The following NBEA variants were observed in gnomAD, a reference collection of about 807,000 sequenced individuals.
NBEA encodes the protein neurobeachin.
A neutral mutation model predicts 343.4 loss-of-function variants in NBEA; 44 were observed. The observed-to-expected ratio is 0.13, with a 90% CI of 0.10 to 0.16. NBEA has a LOEUF of 0.16. Among genes scored for constraint, NBEA ranks in the 10% least tolerant of loss-of-function variants. The probability of loss-of-function intolerance (pLI) is 1.00; values close to 1 mark genes in which losing one functional copy is unlikely to be tolerated. For synonymous variants in NBEA, 1,175 were observed against 1,238.7 expected (o/e 0.95, Z 1.08); for missense variants, 2,555 against 3,631.3 (o/e 0.70, Z 7.62).
intron 1 of NBEA, among the ~76,000 whole-genome samples, chr13:34,996,929 A>C (rs1292105374): frequency 6.6e-6 from 1 of 152,146 alleles, no homozygotes; most frequent in Non-Finnish European, 1.5e-5. Context: ...GACATTTGTT[A>C]AATCTATTAT....
intron 2 of NBEA, among the ~76,000 whole-genome samples, 165 bp from the exon 3 acceptor site, chr13:35,044,782 G>A (rs1390831820): frequency 6.6e-6 from 1 of 151,270 alleles, no homozygotes; most frequent in Non-Finnish European, 1.5e-5. Context: ...AATTGGAATG[G>A]CTATTCATGA....
chr13:35,332,674 G>A (rs2152849634), intron 36 of NBEA, among the ~76,000 whole-genome samples: 1 of 152,248 alleles, frequency 6.6e-6, no homozygotes, highest in South Asian at 2.1e-4. Flanking sequence ...GTATTAGAAG[G>A]ATGGAAGATT....
chr13:35,308,492 A>ATGTATATATATG (rs2037093745), intron 35 of NBEA, among the ~76,000 whole-genome samples: 1 of 123,240 alleles, frequency 8.1e-6, no homozygotes, highest in Non-Finnish European at 1.6e-5. Context: ...ATATGTGTAT[A>ATGTATATATATG]TATATGTGTA....
intron 10 of NBEA, among the ~76,000 whole-genome samples, chr13:35,093,328 A>T (rs953512445): frequency 6.6e-6 from 1 of 151,318 alleles, no homozygotes; most frequent in Admixed American, 6.6e-5. Context: ...AAAAAAAAAA[A>T]AGAGAAATTT....
chr13:35,001,350 A>G (rs2061132570), intron 1 of NBEA, among the ~76,000 whole-genome samples: 2 of 152,140 alleles, frequency 1.3e-5, no homozygotes, highest in Non-Finnish European at 1.5e-5. Flanking sequence ...AAATCAACAT[A>G]TGAAAGAGAT....
At chr13:35,051,065 G>C (rs2063049765) in intron 6 of NBEA, among the ~76,000 whole-genome samples, 3 of 151,960 alleles carry the variant, frequency 2.0e-5, no homozygotes, top group Admixed American at 2.0e-4. Context: ...GCATTTTCTA[G>C]AGGGATTTTC....
chr13:35,285,867 T>C (rs922293437), intron 34 of NBEA, among the ~76,000 whole-genome samples: 1 of 152,160 alleles, frequency 6.6e-6, no homozygotes, highest in Non-Finnish European at 1.5e-5. Context: ...CTCTCTGTCT[T>C]CATTTCCAGT....
intron 44 of NBEA, among the ~76,000 whole-genome samples, chr13:35,560,816 GACATAGCTGA>G (rs530508960): frequency 5.1e-4 from 77 of 152,238 alleles, no homozygotes; most frequent in African/African-American, 1.8e-3. Context: ...CTTCGAGATG[GACATAGCTGA>G]ACACCACCAG....
intron 41 of NBEA, among the ~76,000 whole-genome samples, chr13:35,525,901 T>C (rs1479176890): frequency 1.3e-5 from 2 of 151,986 alleles, no homozygotes; most frequent in African/African-American, 2.4e-5. Context: ...ACTAATTCCT[T>C]CCCAAAGGCC....
chr13:35,189,721 C>T lies in NBEA; in HGVS notation c.4927+5650C>T, dbSNP rs574474811. Among the ~76,000 whole-genome samples the T allele has an allele frequency of 1.5e-4, 23 of 151,928 alleles. No homozygotes were observed. The South Asian group carries it at 4.6e-3, about 30-fold the overall frequency. ...ACTTCGGGAAGAGCAAAGTAAGAAC[C>T]TCCAAAATACTGCTTTTCTAAAAGT... is the stretch of plus-strand genomic sequence containing the variant. On this transcript the variant is annotated intron_variant, in intron 30 of 58. Transcript: ENST00000379939.
intron 36 of NBEA, among the ~76,000 whole-genome samples, chr13:35,332,815 G>C (rs1217770985): frequency 6.6e-6 from 1 of 152,078 alleles, no homozygotes; most frequent in Non-Finnish European, 1.5e-5. Flanking sequence ...CACAAACCTT[G>C]GTGGTTCAGA....
chr13:35,589,406 T>C (rs2081426546), intron 46 of NBEA, among the ~76,000 whole-genome samples: 1 of 152,146 alleles, frequency 6.6e-6, no homozygotes, highest in Admixed American at 6.6e-5. Flanking sequence ...AGAAAAATGC[T>C]TTGTAGCTGT....
chr13:35,056,114 T>C lies in NBEA; in HGVS notation c.1077T>C (p.His359=). 6.3e-7 allele frequency: 1 copy of C among 1,593,746 alleles called. No homozygotes were observed. Among genetic ancestry groups the C allele is most frequent in the South Asian group, 1.2e-5 (1 of 85,968 alleles). ...QLVSYGDMAW[H]VNTNDSYDKC... Reference sequence around the variant, plus strand: ...TATCTTATGGTGATATGGCTTGGCATGTTAACACAAATGATGTAAGTCTTT... The same window carrying C: ...TATCTTATGGTGATATGGCTTGGCACGTTAACACAAATGATGTAAGTCTTT... Residue 359 remains histidine, a synonymous_variant, in exon 7 of 59, where the codon CAT becomes CAC. Coordinates refer to ENST00000379939, the MANE Select transcript of NBEA (RefSeq NM_001385012.1).
At chr13:35,330,603 TTC>T (rs2038867343) in intron 36 of NBEA, among the ~76,000 whole-genome samples, 1 of 152,058 alleles carries the variant, frequency 6.6e-6, no homozygotes, top group Non-Finnish European at 1.5e-5. Flanking sequence ...TTATTTTGGT[TTC>T]TCTTTATTCT....
chr13:34,958,587 A>G (rs1353582276), intron 1 of NBEA, among the ~76,000 whole-genome samples: 1 of 152,142 alleles, frequency 6.6e-6, no homozygotes, highest in Non-Finnish European at 1.5e-5. Flanking sequence ...TATAGTTTAA[A>G]TGCATAGGTG....
At chr13:35,197,827 T>C (rs2072732880) in intron 31 of NBEA, among the ~76,000 whole-genome samples, 1 of 152,146 alleles carries the variant, frequency 6.6e-6, no homozygotes, top group Admixed American at 6.5e-5. Context: ...CACAATATAA[T>C]TTAAACTTTG....
intron 46 of NBEA, 103 bp downstream of exon 46, chr13:35,584,141 A>C: frequency 8.7e-7 from 1 of 1,143,126 alleles, no homozygotes; most frequent in Admixed American, 2.1e-5. Flanking sequence ...AACAAAGATT[A>C]GAGACGAGTG....
chr13:35,467,244 C>T (rs575584595), intron 40 of NBEA, among the ~76,000 whole-genome samples: 9 of 152,126 alleles, frequency 5.9e-5, no homozygotes, highest in Middle Eastern at 3.4e-3. Context: ...GAGGCCAAGG[C>T]GGGCGGATCA....
chr13:35,230,364 A>T (rs1390597748), intron 33 of NBEA, among the ~76,000 whole-genome samples: 6 of 152,114 alleles, frequency 3.9e-5, no homozygotes, highest in African/African-American at 1.4e-4. Context: ...AACCTAGGAT[A>T]AAAAATGTTC....
Sources: gnomAD v4.1 joint callset for allele counts (sites outside exome capture counted in the v4.1 genomes callset) on GRCh38, gnomAD v4.1.1 for gene constraint, MANE v1.5 for transcripts, NCBI Gene and HGNC (gene_info 2026-07-23, HGNC 2026-07-21) for gene names.